The following TGFBRAP1 variants were observed in gnomAD, a reference collection of about 807,000 sequenced individuals.
The protein encoded by TGFBRAP1 is transforming growth factor-beta receptor-associated protein 1.
TGFBRAP1 carries 20 observed loss-of-function variants against 83.2 expected under a neutral mutation model. The ratio of observed to expected loss-of-function variants is 0.24; its 90% CI spans 0.17 to 0.35. The LOEUF is 0.35. TGFBRAP1 is among the 10% of genes least tolerant of loss of function. TGFBRAP1 has a pLI of 1.00. For missense variants in TGFBRAP1, 950 were observed against 1,099.4 expected (o/e 0.86, Z 1.92); for synonymous variants, 415 against 459.8 (o/e 0.90, Z 1.25).
In TGFBRAP1 at chr2:105,272,961, C is replaced by T; in HGVS notation, c.1866G>A (p.Leu622=). Residue 622 remains leucine (L), a synonymous_variant, in exon 10 of 12, where the codon CTG becomes CTA. Coordinates refer to ENST00000393359, the MANE Select transcript of TGFBRAP1 (RefSeq NM_004257.6). ...CCTTGCCACTGGCGGAGGCCCTCTG[C>T]AGCAGCACCTCTTCCAGGTACAGCA... ...LAVLYLEEVL[L]QRASASGKGA... 1.2e-6 allele frequency: 2 copies of T among 1,613,574 alleles called. No individual in the cohort carries two copies. Among genetic ancestry groups the T allele is most frequent in the Non-Finnish European group, 1.7e-6 (2 of 1,180,014 alleles).
intron 11 of TGFBRAP1, 149 bp from the exon 12 acceptor site, chr2:105,267,708 T>C: frequency 6.8e-7 from 1 of 1,460,810 alleles, no homozygotes; most frequent in Non-Finnish European, 9.0e-7. Context: ...TGAAATGAAA[T>C]GCTAAAGGTG....
Position 105,267,444 on chromosome 2 carries a change from G to A in TGFBRAP1, c.2522C>T (p.Thr841Ile), listed in dbSNP as rs750363720. 4 of 1,614,116 alleles carry A rather than the reference G, an allele frequency of 2.5e-6. No individual in the cohort carries two copies. The African/African-American group carries it at 4.0e-5, about 16-fold the overall frequency. Reference sequence around the variant, plus strand: ...TGTGTGTCTGCTGGCGGCACAGTGGGTGTGCACAAGACCACCATTTGGGTA... The same window carrying A: ...TGTGTGTCTGCTGGCGGCACAGTGGATGTGCACAAGACCACCATTTGGGTA... ...VRYPNGGLVHTHCAASRHTNP... is the reference protein window; with the variant it reads ...VRYPNGGLVHIHCAASRHTNP... Residue 841 changes from threonine to isoleucine, a missense_variant, in exon 12 of 12, where the codon ACC becomes ATC. Transcript: ENST00000393359.
At chr2:105,273,837 T>C in intron 8 of TGFBRAP1, 147 bp from the exon 9 acceptor site, 2 of 1,012,642 alleles carry the variant, frequency 2.0e-6, no homozygotes, top group Non-Finnish European at 2.8e-6. Context: ...TTTTTGTATG[T>C]CAATCATATC....
At chr2:105,254,472 A>G in the TGFBRAP1 span, among the ~76,000 whole-genome samples, 26 of 152,102 alleles carry the variant, frequency 1.7e-4, no homozygotes, top group Non-Finnish European at 3.4e-4. Flanking sequence ...CAATTAATAT[A>G]TATTTACTAA....
chr2:105,259,939 G>T (rs551283868), downstream of TGFBRAP1, among the ~76,000 whole-genome samples: 2 of 152,258 alleles, frequency 1.3e-5, no homozygotes, highest in Admixed American at 6.5e-5. Flanking sequence ...AGGACAATAA[G>T]CAGACGACTG....
Position 105,267,475 on chromosome 2 carries a change from C to G in TGFBRAP1, c.2491G>C (p.Val831Leu). Residue 831 changes from valine to leucine, a missense_variant, in exon 12 of 12, where the codon GTT (valine) becomes CTT (leucine). Physicochemically the swap from Val to Leu is conservative, Grantham distance 32. Coordinates refer to ENST00000393359, the MANE Select transcript of TGFBRAP1 (RefSeq NM_004257.6). ...ACAAGACCACCATTTGGGTATCTAACAAACACAGGCTCACAAAAGGGATTT... is the reference window on the plus strand; with the variant it reads ...ACAAGACCACCATTTGGGTATCTAAGAAACACAGGCTCACAAAAGGGATTT... ...CQNPFCEPVF[V>L]RYPNGGLVHT... 1 of 1,614,184 alleles carries G rather than the reference C, an allele frequency of 6.2e-7. No homozygotes were observed. The highest frequency in any genetic ancestry group is 8.5e-7 in the Non-Finnish European group (1 of 1,180,040).
At chr2:105,305,314 TAC>T (rs1349950996) in intron 2 of TGFBRAP1, among the ~76,000 whole-genome samples, 1 of 152,232 alleles carries the variant, frequency 6.6e-6, no homozygotes, top group Non-Finnish European at 1.5e-5. Context: ...GAGGTGACTA[TAC>T]AAAAACTTGC....
At chr2:105,293,200 A>C (rs1677973171) in intron 4 of TGFBRAP1, among the ~76,000 whole-genome samples, 1 of 152,214 alleles carries the variant, frequency 6.6e-6, no homozygotes, top group South Asian at 2.1e-4. Context: ...AATCTATCGG[A>C]GCCCAAGCTT....
intron 4 of TGFBRAP1, among the ~76,000 whole-genome samples, chr2:105,292,717 G>T (rs941447507): frequency 2.6e-5 from 4 of 152,054 alleles, no homozygotes; most frequent in African/African-American, 9.7e-5. Context: ...CAGTAAAAGG[G>T]GGGAGGCAGT....
chr2:105,323,322 A>G (rs1182510442), intron 1 of TGFBRAP1, among the ~76,000 whole-genome samples: 1 of 152,034 alleles, frequency 6.6e-6, no homozygotes, highest in East Asian at 1.9e-4. Flanking sequence ...TGAAACAGAA[A>G]CAGCGTGGGC....
chr2:105,310,514 A>G (rs1272826386), intron 1 of TGFBRAP1, among the ~76,000 whole-genome samples: 1 of 152,146 alleles, frequency 6.6e-6, no homozygotes, highest in Non-Finnish European at 1.5e-5. Flanking sequence ...AACTATGGAA[A>G]AGAGCTGGGG....
chr2:105,313,304 T>C (rs1011453079), intron 1 of TGFBRAP1, among the ~76,000 whole-genome samples: 3 of 152,248 alleles, frequency 2.0e-5, no homozygotes, highest in Non-Finnish European at 2.9e-5. Context: ...ACAAAAGCTA[T>C]GTAGGCTTCT....
rs1257010489 is a variant in TGFBRAP1, at chr2:105,266,517, A to ACGTGTT, written c.*860_*865dup. 6.6e-6 allele frequency: 1 copy of ACGTGTT among 152,272 alleles called. No homozygotes were observed. The highest frequency in any genetic ancestry group is 1.5e-5 in the Non-Finnish European group (1 of 68,050). The allele number at this position is 152,272 out of a possible 1,614,324, so 9.4% of individuals were successfully genotyped here. A position where few individuals can be genotyped will look rare whatever the true frequency, so the allele number is the denominator to read the frequency against. On this transcript the variant is annotated 3_prime_UTR_variant, in exon 12 of 12. Transcript: ENST00000393359. ...AATTTAAATAAAAATGTTTAGTTCA[A>ACGTGTT]CGTGTTCGTCATGGAGTTTCAAATC...
At chr2:105,287,880 T>G (rs1191222459) in intron 4 of TGFBRAP1, among the ~76,000 whole-genome samples, 1 of 151,988 alleles carries the variant, frequency 6.6e-6, no homozygotes, top group Admixed American at 6.6e-5. Context: ...AATCAGATTT[T>G]AAAAGGAAAC....
intron 4 of TGFBRAP1, among the ~76,000 whole-genome samples, chr2:105,290,106 T>A (rs971968862): frequency 6.6e-6 from 1 of 152,250 alleles, no homozygotes; most frequent in Non-Finnish European, 1.5e-5. Flanking sequence ...TTGCCCAGGC[T>A]GGAGTCCAGT....
intron 4 of TGFBRAP1, among the ~76,000 whole-genome samples, chr2:105,286,171 A>C (rs1328497143): frequency 6.6e-6 from 1 of 152,176 alleles, no homozygotes; most frequent in Non-Finnish European, 1.5e-5. Context: ...TCCAAGAATA[A>C]GGGGTTATTT....
At chr2:105,262,063 C>T (rs561284690), downstream of TGFBRAP1, among the ~76,000 whole-genome samples, 3 of 152,194 alleles carry the variant, frequency 2.0e-5, no homozygotes, top group Non-Finnish European at 4.4e-5. Context: ...AGACTGAGAC[C>T]ACACTGCTAC....
At chr2:105,284,214 T>C in intron 5 of TGFBRAP1, 102 bp downstream of exon 5, 1 of 1,110,330 alleles carries the variant, frequency 9.0e-7, no homozygotes, top group South Asian at 1.3e-5. Flanking sequence ...AAGCACAATC[T>C]AACCATGCAA....
chr2:105,280,600 C>G lies in TGFBRAP1; in HGVS notation c.1245G>C (p.Gln415His), dbSNP rs1345911645. The G allele has an allele frequency of 1.9e-6, 3 of 1,614,016 alleles. No individual in the cohort carries two copies. The highest frequency in any genetic ancestry group is 1.7e-6 in the Non-Finnish European group (2 of 1,180,038). The change falls in exon 6 of 12, where the codon CAG becomes CAC. Residue 415 changes from glutamine to histidine, a missense_variant. Gln to His is a conservative substitution (Grantham distance 24). Coordinates refer to ENST00000393359, the MANE Select transcript of TGFBRAP1 (RefSeq NM_004257.6). ...HEYADLNQLT[Q>H]GDQEKMAKCK... Reference sequence around the variant, plus strand: ...ACTTGGCCATCTTCTCCTGGTCCCCCTGGGTCAGCTGGTTCAGGTCTGCGT... The same window carrying G: ...ACTTGGCCATCTTCTCCTGGTCCCCGTGGGTCAGCTGGTTCAGGTCTGCGT...
Sources: gnomAD v4.1 joint callset for allele counts (sites outside exome capture counted in the v4.1 genomes callset) on GRCh38, gnomAD v4.1.1 for gene constraint, MANE v1.5 for transcripts, NCBI Gene and HGNC (gene_info 2026-07-23, HGNC 2026-07-21) for gene names.